Variants in KCNAB3 observed in about 807,000 individuals in gnomAD.
KCNAB3 encodes potassium voltage-gated channel subfamily A regulatory beta subunit 3, also known as voltage-gated potassium channel subunit beta-3.
Under a neutral mutation model 67.7 loss-of-function variants are expected in KCNAB3, and 62 were observed. The observed-to-expected ratio is 0.92, with a 90% CI of 0.75 to 1.13. The LOEUF (loss-of-function observed/expected upper bound fraction) is 1.13. Among genes scored for constraint, KCNAB3 ranks in the 50% most tolerant of loss-of-function variants. KCNAB3 has a pLI of 0.00. For synonymous variants in KCNAB3, 212 were observed against 205.4 expected (o/e 1.03, Z -0.27); for missense variants, 514 against 522.9 (o/e 0.98, Z 0.17).
rs768606412 is a variant in KCNAB3, at chr17:7,923,956, C to T, written c.927+12G>A. On this transcript the variant is annotated intron_variant, in intron 11 of 13. Coordinates refer to ENST00000303790, the MANE Select transcript of KCNAB3 (RefSeq NM_004732.4). ...TAGCCCAGTCCTGCCATCGAGAGCC[C>T]CCAGATCTCACCTTGATGGAGGCCC... 4.3e-6 allele frequency: 7 copies of T among 1,612,134 alleles called. No homozygotes were observed. The African/African-American group carries it at 9.4e-5, about 22-fold the overall frequency.
chr17:7,929,480 G>T lies in KCNAB3; in HGVS notation c.-45C>A, dbSNP rs527656542. On this transcript the variant is annotated 5_prime_UTR_variant, in exon 1 of 14. Transcript: ENST00000303790. This position sits in a 1 kb window ranked among gnomAD's most constrained non-coding sequence, Gnocchi z 5.7. ...GGAGGGGGCTCCGAGGGGACGGGAG[G>T]GGGGAGCAGGGAAGCCCGAGGGCTG... The T allele has an allele frequency of 5.1e-5, 78 of 1,539,922 alleles. No individual in the cohort carries two copies. The highest frequency in any genetic ancestry group is 1.2e-4 in the South Asian group (10 of 83,654).
Position 7,926,096 on chromosome 17 carries a change from T to C in KCNAB3, c.412A>G (p.Arg138Gly). 6.2e-7 allele frequency: 1 copy of C among 1,614,146 alleles called. No individual in the cohort carries two copies. The highest frequency in any genetic ancestry group is 8.5e-7 in the Non-Finnish European group (1 of 1,180,026). ...CTCTTGAGGATGTTCCCTAGGGTTC[T>C]TTCAGCCCTAAAAGAAACATAAGGC... Reference protein sequence around the residue: ...AEVYAAGKAERTLGNILKSKG... With the variant: ...AEVYAAGKAEGTLGNILKSKG... Residue 138 changes from arginine to glycine, a missense_variant, in exon 5 of 14, where the codon AGA (arginine) becomes GGA (glycine). Physicochemically the swap from Arg to Gly is moderately radical, Grantham distance 125. Transcript: ENST00000303790.
chr17:7,924,200 A>G lies in KCNAB3; in HGVS notation c.777T>C (p.His259=). The G allele has an allele frequency of 6.2e-7, 1 of 1,614,214 alleles. No individual in the cohort carries two copies. The highest frequency in any genetic ancestry group is 8.5e-7 in the Non-Finnish European group (1 of 1,180,030). ...TCTCCACCTTCTCCCTCTGAAACAG[A>G]TGGTGCTCCGCTTGTTCACACACTG... is the stretch of plus-strand genomic sequence containing the variant. ...IPPVCEQAEH[H]LFQREKVEMQ... is the part of the protein sequence containing the mutation. Residue 259 remains histidine (H), a synonymous_variant, in exon 10 of 14, where the codon CAT becomes CAC. Transcript: ENST00000303790.
rs1371429643 is a variant in KCNAB3, at chr17:7,923,948, C to G, written c.927+20G>C. The stretch of plus-strand genomic sequence containing the variant: ...AGCCCATATAGCCCAGTCCTGCCAT[C>G]GAGAGCCCCCAGATCTCACCTTGAT... On this transcript the variant is annotated intron_variant, in intron 11 of 13. Transcript: ENST00000303790. 2 of 1,609,092 alleles carry G rather than the reference C, an allele frequency of 1.2e-6. No homozygotes were observed. Among genetic ancestry groups the G allele is most frequent in the South Asian group, 2.2e-5 (2 of 90,254 alleles).
chr17:7,925,119 T>C lies in KCNAB3; in HGVS notation c.603A>G (p.Ser201=), dbSNP rs766089669. ...GYVDIVFANR[S]DPNCPMEEIV... is the part of the protein sequence containing the mutation. ...TACCCTCCATAGGACAGTTGGGGTC[T>C]GAGCGATTGGCAAAGACAATGTCCA... is the stretch of plus-strand genomic sequence containing the variant. Residue 201 remains serine, a synonymous_variant, in exon 8 of 14, where the codon TCA becomes TCG. Coordinates refer to ENST00000303790, the MANE Select transcript of KCNAB3 (RefSeq NM_004732.4). 1 of 1,613,740 alleles carries C rather than the reference T, an allele frequency of 6.2e-7. No homozygotes were observed. The highest frequency in any genetic ancestry group is 8.5e-7 in the Non-Finnish European group (1 of 1,179,774).
At chr17:7,924,721 G>A in intron 8 of KCNAB3, 3 of 1,340,690 alleles carry the variant, frequency 2.2e-6, no homozygotes, top group Non-Finnish European at 2.9e-6. Context: ...TCCTGCTGAG[G>A]GTTTGAGGAA....
In KCNAB3 at chr17:7,923,069, G is replaced by T. The variant is rs772410005; in HGVS notation, c.*33C>A. 5 of 1,604,526 alleles carry T rather than the reference G, an allele frequency of 3.1e-6. No homozygotes were observed. The African/African-American group carries it at 6.7e-5, about 21-fold the overall frequency. Reference sequence around the variant, plus strand: ...GGAGCGGGGCTCGGGCGGGTGCAGCGACACCGGGTTGGGTCCCTGCGCCCG... The same window carrying T: ...GGAGCGGGGCTCGGGCGGGTGCAGCTACACCGGGTTGGGTCCCTGCGCCCG... On this transcript the variant is annotated 3_prime_UTR_variant, in exon 14 of 14. Transcript: ENST00000303790.
rs748532102 is a variant in KCNAB3, at chr17:7,923,138, G to A, written c.1179C>T (p.Asp393=). Residue 393 remains aspartate, a synonymous_variant, in exon 14 of 14, where the codon GAC becomes GAT. Transcript: ENST00000303790. ...AATGCGGCTTGTTTCCCAGGAGCCCGTCTATTTCCATCACTGTCTGCGGGG... is the reference window on the plus strand; with the variant it reads ...AATGCGGCTTGTTTCCCAGGAGCCCATCTATTTCCATCACTGTCTGCGGGG... ...QLTPQTVMEI[D]GLLGNKPHSK... 2 of 1,614,156 alleles carry A rather than the reference G, an allele frequency of 1.2e-6. No individual in the cohort carries two copies. The highest frequency in any genetic ancestry group is 1.1e-5 in the South Asian group (1 of 91,086).
rs1392942182 is a variant in KCNAB3, at chr17:7,929,109, G to C, written c.242+85C>G. On this transcript the variant is annotated intron_variant, in intron 1 of 13. Transcript: ENST00000303790. The surrounding 1 kb of genome is among the most constrained non-coding windows in gnomAD (Gnocchi z 5.7). ...AAGGGAGACCTACTTAGTGAAGTTT[G>C]AAGGGGTCTTGGCGGCCATCTCAAG... is the stretch of plus-strand genomic sequence containing the variant. The C allele has an allele frequency of 1.9e-6, 3 of 1,550,992 alleles. No homozygotes were observed. Among genetic ancestry groups the C allele is most frequent in the Non-Finnish European group, 2.6e-6 (3 of 1,152,606 alleles).
intron 13 of KCNAB3, 73 bp downstream of exon 13, chr17:7,923,383 C>T: frequency 6.8e-7 from 1 of 1,472,776 alleles, no homozygotes; most frequent in Non-Finnish European, 9.3e-7. Context: ...TAGAGCCATC[C>T]TGGGTTGGAT....
At chr17:7,927,576 C>T in intron 3 of KCNAB3, 81 bp downstream of exon 3, 1 of 1,576,072 alleles carries the variant, frequency 6.3e-7, no homozygotes, top group Admixed American at 1.7e-5. Context: ...GCTTGTTGTC[C>T]AAACCCCTAT....
rs1047915776 is a variant in KCNAB3, at chr17:7,929,512, G to C, written c.-77C>G. On this transcript the variant is annotated 5_prime_UTR_variant, in exon 1 of 14. Transcript: ENST00000303790. The surrounding 1 kb of genome is among the most constrained non-coding windows in gnomAD (Gnocchi z 5.7). Reference sequence around the variant, plus strand: ...CAGGGAAGCCCGAGGGCTGACGACCGGGGGCGTAGTGGGGCGAACCCCGGC... The same window carrying C: ...CAGGGAAGCCCGAGGGCTGACGACCCGGGGCGTAGTGGGGCGAACCCCGGC... 1.0e-4 allele frequency: 158 copies of C among 1,534,174 alleles called. No individual in the cohort carries two copies. The highest frequency in any genetic ancestry group is 2.3e-4 in the Middle Eastern group (1 of 4,306).
intron 11 of KCNAB3, 56 bp downstream of exon 11, chr17:7,923,912 C>G (rs1158442324): frequency 1.3e-6 from 2 of 1,556,728 alleles, no homozygotes; most frequent in Non-Finnish European, 1.7e-6. Context: ...CCCCGTAACT[C>G]CCCCCAAAGC....
Position 7,929,752 on chromosome 17 carries a change from G to A in KCNAB3, c.-317C>T, listed in dbSNP as rs1221429164. 2 of 1,224,072 alleles carry A rather than the reference G, an allele frequency of 1.6e-6. No homozygotes were observed. Among genetic ancestry groups the A allele is most frequent in the African/African-American group, 3.3e-5 (2 of 61,200 alleles). The allele number at this position is 1,224,072 out of a possible 1,614,324, so 75.8% of individuals were successfully genotyped here. On this transcript the variant is annotated 5_prime_UTR_variant, in exon 1 of 14. Transcript: ENST00000303790. This position sits in a 1 kb window ranked among gnomAD's most constrained non-coding sequence, Gnocchi z 5.7. ...TCGAGGATGAGGTAAAGGTCTCGGA[G>A]GATAAGGACCCAGGGGGAAGCGGGG...
intron 13 of KCNAB3, 128 bp downstream of exon 13, chr17:7,923,328 G>T: frequency 8.0e-7 from 1 of 1,243,236 alleles, no homozygotes. Context: ...TCCGGCCCTG[G>T]GACCTCTCAC....
At chr17:7,923,259 A>G in intron 13 of KCNAB3, 80 bp from the exon 14 acceptor site, 1 of 1,440,576 alleles carries the variant, frequency 6.9e-7, no homozygotes, top group Non-Finnish European at 9.8e-7. Context: ...TAGCCGGGGA[A>G]GCACCACAGT....
intron 9 of KCNAB3, 38 bp from the exon 10 acceptor site, chr17:7,924,303 C>G: frequency 6.2e-7 from 1 of 1,612,870 alleles, no homozygotes; most frequent in Non-Finnish European, 8.5e-7. Flanking sequence ...GGTCAGAGCA[C>G]TACTTCCGTT....
At chr17:7,927,055 G>A (rs1972256060) in intron 4 of KCNAB3, 4 of 407,546 alleles carry the variant, frequency 9.8e-6, no homozygotes, top group Non-Finnish European at 1.8e-5. Flanking sequence ...GTGTGAAACG[G>A]CATGATGTGT....
rs1972339422 is a variant in KCNAB3 at position 7,929,169 on chromosome 17, G to T, written c.242+25C>A. 3.7e-6 allele frequency: 6 copies of T among 1,610,466 alleles called. No individual in the cohort carries two copies. The highest frequency in any genetic ancestry group is 5.1e-6 in the Non-Finnish European group (6 of 1,179,038). ...GGGTCCCGAAAGGAAAGCGGAAGGG[G>T]TGGGCTGCCCGGCCACCCCCATACC... is the stretch of plus-strand genomic sequence containing the variant. On this transcript the variant is annotated intron_variant, in intron 1 of 13. Transcript: ENST00000303790. The surrounding 1 kb of genome is among the most constrained non-coding windows in gnomAD (Gnocchi z 5.7).
Sources: allele counts gnomAD v4.1 joint callset, GRCh38; gene constraint gnomAD v4.1.1; non-coding constraint Gnocchi (gnomAD v3.1); transcripts MANE v1.5; gene names NCBI Gene and HGNC (gene_info 2026-07-23, HGNC 2026-07-21).